Variants in DNAH12 observed in about 807,000 individuals in gnomAD.
DNAH12 encodes the protein axonemal beta dynein heavy chain 12.
In DNAH12, 285 loss-of-function variants were observed where a neutral mutation model predicts 371.5. The observed-to-expected ratio is 0.77, with a 90% CI of 0.70 to 0.85. DNAH12 has a LOEUF of 0.85. Ranked by LOEUF, DNAH12 falls within the 40% of genes least tolerant of loss-of-function variation. The probability of loss-of-function intolerance (pLI) is 0.00; values close to 1 mark genes in which losing one functional copy is unlikely to be tolerated. For missense variants in DNAH12, 3,611 were observed against 3,689.4 expected (o/e 0.98, Z 0.55); for synonymous variants, 1,200 against 1,213.0 (o/e 0.99, Z 0.22).
chr3:57,519,826 A>C (rs2068342494), intron 4 of DNAH12: 4 of 1,268,582 alleles, frequency 3.2e-6, no homozygotes, highest in African/African-American at 1.5e-5. Flanking sequence ...TTGACATCTG[A>C]GACAGGCATC....
intron 29 of DNAH12, among the ~76,000 whole-genome samples, chr3:57,443,224 C>G (rs899086281): frequency 1.2e-4 from 18 of 152,200 alleles, no homozygotes; most frequent in Admixed American, 7.2e-4. Flanking sequence ...ATTCTCCTGT[C>G]TCAGCCTTCC....
At chr3:57,511,740 A>T (rs2068006528) in intron 4 of DNAH12, among the ~76,000 whole-genome samples, 1 of 152,210 alleles carries the variant, frequency 6.6e-6, no homozygotes, top group Non-Finnish European at 1.5e-5. Context: ...ACCAGTAGAA[A>T]ACAACAGAAA....
intron 45 of DNAH12, among the ~76,000 whole-genome samples, chr3:57,390,424 A>AAAAAAATATATATATATATATAT: frequency 1.2e-4 from 4 of 33,434 alleles, no homozygotes; most frequent in Non-Finnish European, 2.8e-4. Flanking sequence ...AAAAAAAAAA[A>AAAAAAATATATATATATATATAT]ATATATATAT....
rs1192880517 is a variant in DNAH12 at position 57,322,476 on chromosome 3, A to G, written c.10391T>C (p.Val3464Ala). Residue 3464 changes from valine to alanine, a missense_variant, in exon 65 of 74, where the codon GTA becomes GCA. By Grantham distance (64) the Val-to-Ala change is moderately conservative. Transcript: ENST00000495027. ...LTSYPSSKFP[V>A]TILQNGVKMT... ...TTTTACTCCATTCTGTAGAATTGTTACTGGGAACTAAGACAAAATAAATGG... is the reference window on the plus strand; with the variant it reads ...TTTTACTCCATTCTGTAGAATTGTTGCTGGGAACTAAGACAAAATAAATGG... 1 of 1,551,366 alleles carries G rather than the reference A, an allele frequency of 6.4e-7. No individual in the cohort carries two copies. Among genetic ancestry groups the G allele is most frequent in the Non-Finnish European group, 8.7e-7 (1 of 1,146,936 alleles).
At chr3:57,517,924 C>T (rs1379637507) in intron 4 of DNAH12, among the ~76,000 whole-genome samples, 1 of 152,088 alleles carries the variant, frequency 6.6e-6, no homozygotes, top group Non-Finnish European at 1.5e-5. Flanking sequence ...CGTGGTGCCT[C>T]ACATCTGTAG....
intron 37 of DNAH12, among the ~76,000 whole-genome samples, chr3:57,416,416 A>G (rs114147461): frequency 0.024 from 3,611 of 152,298 alleles, 68 homozygotes; most frequent in Admixed American, 0.035. Flanking sequence ...ATAGTAATAA[A>G]CTATTATTTG....
intron 2 of DNAH12, among the ~76,000 whole-genome samples, chr3:57,524,545 C>A (rs2068567337): frequency 6.6e-6 from 1 of 151,688 alleles, no homozygotes; most frequent in South Asian, 2.1e-4. Context: ...ATACTAGATC[C>A]TATTAAAATA....
intron 4 of DNAH12, among the ~76,000 whole-genome samples, chr3:57,515,617 T>C (rs1168075888): frequency 2.0e-5 from 3 of 151,764 alleles, no homozygotes; most frequent in Non-Finnish European, 4.4e-5. Context: ...CTCTACAAAA[T>C]AATTATTATT....
chr3:57,529,926 G>A (rs1457073045), intron 2 of DNAH12, among the ~76,000 whole-genome samples: 1 of 151,958 alleles, frequency 6.6e-6, no homozygotes, highest in East Asian at 1.9e-4. Context: ...GTTTTCATAT[G>A]TTGCATTTCC....
At chr3:57,543,447 C>T (rs752377839) in intron 1 of DNAH12, among the ~76,000 whole-genome samples, 1 of 149,412 alleles carries the variant, frequency 6.7e-6, no homozygotes, top group African/African-American at 2.5e-5. Flanking sequence ...TTCAGCCTCC[C>T]GAGTAGCTAG....
At chr3:57,304,075 C>T (rs949787973) in intron 69 of DNAH12, among the ~76,000 whole-genome samples, 1 of 149,994 alleles carries the variant, frequency 6.7e-6, no homozygotes, top group Non-Finnish European at 1.5e-5. Context: ...TCCTGCCCGC[C>T]AGAGAACAAC....
At chr3:57,478,875 G>A (rs1402388430) in intron 13 of DNAH12, among the ~76,000 whole-genome samples, 3 of 152,106 alleles carry the variant, frequency 2.0e-5, no homozygotes, top group African/African-American at 7.2e-5. Flanking sequence ...AGCAAATGCT[G>A]AGAGATTTTG....
intron 30 of DNAH12, among the ~76,000 whole-genome samples, chr3:57,436,672 C>T (rs560935368): frequency 4.6e-5 from 7 of 152,278 alleles, no homozygotes; most frequent in Admixed American, 1.3e-4. Context: ...TTGATTAGAA[C>T]TTTTAGGTGC....
At chr3:57,402,299 G>T in intron 43 of DNAH12, 1 of 937,260 alleles carries the variant, frequency 1.1e-6, no homozygotes, top group African/African-American at 1.9e-5. Context: ...AAGAAGTCCA[G>T]CAATTTCTCC....
intron 65 of DNAH12, among the ~76,000 whole-genome samples, chr3:57,321,026 C>T (rs751564135): frequency 7.2e-5 from 11 of 152,098 alleles, no homozygotes; most frequent in Non-Finnish European, 1.3e-4. Context: ...GTTGTAATAC[C>T]CAAGGAGTGA....
Position 57,323,495 on chromosome 3 carries a change from A to C in DNAH12, c.10103T>G (p.Leu3368Arg), listed in dbSNP as rs905641399. The C allele has an allele frequency of 1.3e-6, 2 of 1,549,980 alleles. No homozygotes were observed. Among genetic ancestry groups the C allele is most frequent in the Non-Finnish European group, 1.7e-6 (2 of 1,146,602 alleles). Residue 3368 changes from leucine to arginine, a missense_variant, in exon 63 of 74, where the codon CTA (leucine) becomes CGA (arginine). Around this residue, in one of 3 missense-constraint regions of DNAH12, gnomAD observed 2,266 missense variants for 2,236.9 expected, o/e 1.01. Coordinates refer to ENST00000495027, the MANE Select transcript of DNAH12 (RefSeq NM_001366028.2). Reference protein sequence around the residue: ...SNCTIPLIFVLSPGADPMASL... With the variant: ...SNCTIPLIFVRSPGADPMASL... ...GGCCATAGGATCTGCTCCTGGAGAT[A>C]GAACAAAAATTAAGGGAATGGTGCA...
upstream of DNAH12, among the ~76,000 whole-genome samples, chr3:57,547,880 A>C (rs1012339738): frequency 2.6e-5 from 4 of 152,216 alleles, no homozygotes; most frequent in Non-Finnish European, 4.4e-5. Context: ...GTCCAACTTA[A>C]TAATCAACAG....
chr3:57,505,733 G>A (rs905574666), intron 8 of DNAH12, among the ~76,000 whole-genome samples: 3 of 151,380 alleles, frequency 2.0e-5, no homozygotes, highest in East Asian at 2.0e-4. Flanking sequence ...GAGCCACTGC[G>A]CCGAGCCTGT....
chr3:57,515,981 A>G (rs898136444), intron 4 of DNAH12, among the ~76,000 whole-genome samples: 1 of 150,156 alleles, frequency 6.7e-6, no homozygotes, highest in African/African-American at 2.4e-5. Flanking sequence ...ATTTTTTTTC[A>G]ATTAGTTGCT....
Sources: gnomAD v4.1 joint callset for allele counts (sites outside exome capture counted in the v4.1 genomes callset) on GRCh38, gnomAD v4.1.1 for gene constraint, gnomAD v4.1.1 regional missense constraint, MANE v1.5 for transcripts, NCBI Gene and HGNC (gene_info 2026-07-23, HGNC 2026-07-21) for gene names.